Variants in SHANK2 observed in about 807,000 individuals in gnomAD.
The protein encoded by SHANK2 is SH3 and multiple ankyrin repeat domains 2.
SHANK2 carries 43 observed loss-of-function variants against 133.7 expected under a neutral mutation model. The ratio of observed to expected loss-of-function variants is 0.32; its 90% CI spans 0.25 to 0.41. The LOEUF (loss-of-function observed/expected upper bound fraction) is 0.41, where lower values mean the gene tolerates loss of function less well. SHANK2 is among the 10% of genes least tolerant of loss of function. SHANK2 has a pLI of 1.00. For synonymous variants in SHANK2, 1,017 were observed against 952.8 expected, an observed-to-expected ratio of 1.07 and a Z score of -1.24; for missense variants, 1,994 against 2,235.8, an observed-to-expected ratio of 0.89 and a Z score of 2.18.
At chr11:71,138,601 G>C (rs1353950958) in intron 3 of SHANK2, among the ~76,000 whole-genome samples, 1 of 151,964 alleles carries the variant, frequency 6.6e-6, no homozygotes, top group Non-Finnish European at 1.5e-5. Flanking sequence ...AGGATCACTT[G>C]AGCCCAGGAG....
chr11:71,088,957 C>T (rs2135087250), intron 8 of SHANK2, among the ~76,000 whole-genome samples: 1 of 150,830 alleles, frequency 6.6e-6, no homozygotes, highest in African/African-American at 2.4e-5. Context: ...GGTGACTGCA[C>T]CACCCCACCA....
chr11:70,899,841 G>A (rs994898280), intron 10 of SHANK2, among the ~76,000 whole-genome samples: 3 of 152,202 alleles, frequency 2.0e-5, no homozygotes, highest in South Asian at 2.1e-4. Flanking sequence ...TGATACTGGC[G>A]GACTGGCGGA....
At chr11:70,784,190 T>G (rs1211811766) in intron 14 of SHANK2, among the ~76,000 whole-genome samples, 1 of 151,652 alleles carries the variant, frequency 6.6e-6, no homozygotes, top group African/African-American at 2.4e-5. Context: ...CTTTTTTTTT[T>G]TTTTGAGACA....
At chr11:71,095,231 C>T (rs923271340) in intron 6 of SHANK2, among the ~76,000 whole-genome samples, 19 of 152,282 alleles carry the variant, frequency 1.2e-4, no homozygotes, top group Admixed American at 3.3e-4. Context: ...ATTAACGCGG[C>T]GCAGGATGAC....
At chr11:70,578,550 C>T (rs549934768) in intron 17 of SHANK2, among the ~76,000 whole-genome samples, 2 of 152,316 alleles carry the variant, frequency 1.3e-5, no homozygotes, top group South Asian at 2.1e-4. Context: ...TTGCACCATT[C>T]TGGTACTGAC....
At chr11:70,529,886 G>A (rs1259889733) in intron 17 of SHANK2, among the ~76,000 whole-genome samples, 1 of 152,174 alleles carries the variant, frequency 6.6e-6, no homozygotes, top group Admixed American at 6.5e-5. Context: ...CTTTATGGCT[G>A]AATAATATTC....
Position 70,767,378 on chromosome 11 carries a change from A to G in SHANK2, c.1777+31065T>C, listed in dbSNP as rs1039027387. On this transcript the variant is annotated intron_variant, in intron 14 of 25. Coordinates refer to ENST00000601538, the MANE Select transcript of SHANK2 (RefSeq NM_012309.5). Reference sequence around the variant, plus strand: ...ACACCCAAAAGAAAAAGAAGGAAAAACAGGTAAGCATATCCTTACATATGG... The same window carrying G: ...ACACCCAAAAGAAAAAGAAGGAAAAGCAGGTAAGCATATCCTTACATATGG... Among the ~76,000 whole-genome samples the G allele has an allele frequency of 3.9e-5, 6 of 152,198 alleles. No homozygotes were observed. In the East Asian group the frequency reaches 7.7e-4, roughly 20 times the overall value.
At chr11:70,775,651 A>AC (rs1555043772) in intron 14 of SHANK2, among the ~76,000 whole-genome samples, 1 of 152,062 alleles carries the variant, frequency 6.6e-6, no homozygotes, top group Non-Finnish European at 1.5e-5. Context: ...TCCTCCCTGG[A>AC]CCCGGTGCTC....
chr11:70,513,897 G>A (rs1486308237), intron 17 of SHANK2, among the ~76,000 whole-genome samples: 1 of 152,096 alleles, frequency 6.6e-6, no homozygotes, highest in African/African-American at 2.4e-5. Context: ...GTGAACGAGA[G>A]TCTCAGAAGG....
Position 70,926,186 on chromosome 11 carries a change from T to C in SHANK2, c.1108-29619A>G, listed in dbSNP as rs552001237. Among the ~76,000 whole-genome samples the C allele has an allele frequency of 2.1e-4, 32 of 152,258 alleles. No individual in the cohort carries two copies. In the South Asian group the frequency reaches 6.4e-3, roughly 31 times the overall value. On this transcript the variant is annotated intron_variant, in intron 10 of 25. Transcript: ENST00000601538. ...ACTTTGGGAGGCCAAGGCTGGCAGA[T>C]CCCTTGAGCTCAGGAGTTCGAGACC...
At chr11:70,614,141 C>T (rs1304105945) in intron 17 of SHANK2, among the ~76,000 whole-genome samples, 1 of 152,136 alleles carries the variant, frequency 6.6e-6, no homozygotes. Flanking sequence ...AGCCAGGCAG[C>T]GCAAGCCAGG....
chr11:70,596,950 C>T (rs570381330), intron 17 of SHANK2, among the ~76,000 whole-genome samples: 40 of 152,244 alleles, frequency 2.6e-4, no homozygotes, highest in African/African-American at 9.4e-4. Context: ...ATTTTGCAAG[C>T]GCAGACATCC....
rs1200205475 is a variant in SHANK2 at position 71,175,423 on chromosome 11, C to T, written c.-12-28085G>A. 6.6e-6 allele frequency among the ~76,000 whole-genome samples: 1 copy of T among 151,204 alleles called. No homozygotes were observed. Among genetic ancestry groups the T allele is most frequent in the Non-Finnish European group, 1.5e-5 (1 of 67,922 alleles). On this transcript the variant is annotated intron_variant, in intron 2 of 25. Coordinates refer to ENST00000601538, the MANE Select transcript of SHANK2 (RefSeq NM_012309.5). This position sits in a 1 kb window ranked among gnomAD's most constrained non-coding sequence, Gnocchi z 4.2. The stretch of plus-strand genomic sequence containing the variant: ...CAGGAAAGTGAGTCTGTAAAGAGAG[C>T]AGGAGGAAGGAAAGAAAAAGAGGGA...
chr11:71,067,603 A>G (rs961282520), intron 9 of SHANK2, among the ~76,000 whole-genome samples: 5 of 152,222 alleles, frequency 3.3e-5, no homozygotes, highest in Non-Finnish European at 7.3e-5. Context: ...AAACTGATAA[A>G]GCACATGTAA....
intron 3 of SHANK2, among the ~76,000 whole-genome samples, chr11:71,121,314 T>A (rs1177970684): frequency 6.6e-6 from 1 of 152,200 alleles, no homozygotes; most frequent in African/African-American, 2.4e-5. Flanking sequence ...TAAATAAATG[T>A]TGAAGTCCTA....
intron 17 of SHANK2, among the ~76,000 whole-genome samples, chr11:70,533,967 G>A (rs540659401): frequency 2.6e-5 from 4 of 152,296 alleles, no homozygotes; most frequent in South Asian, 4.1e-4. Flanking sequence ...GCCAAGTAGT[G>A]TTCCACTGCA....
At chr11:70,714,141 A>T (rs184313336) in intron 14 of SHANK2, among the ~76,000 whole-genome samples, 18 of 151,438 alleles carry the variant, frequency 1.2e-4, no homozygotes, top group African/African-American at 4.1e-4. Flanking sequence ...CCCAAACCAA[A>T]CCTCCCCAGA....
rs559985420 is a variant in SHANK2 at position 70,741,340 on chromosome 11, T to C, written c.1778-42577A>G. On this transcript the variant is annotated intron_variant, in intron 14 of 25. Coordinates refer to ENST00000601538, the MANE Select transcript of SHANK2 (RefSeq NM_012309.5). The stretch of plus-strand genomic sequence containing the variant: ...CCATGCATCCAACTACCCATCTATC[T>C]ATCCATCCATCCATCCATCCATCCA... Among the ~76,000 whole-genome samples, 97 of 149,054 alleles carry C rather than the reference T, an allele frequency of 6.5e-4. 1 individual carries two copies. In the East Asian group the frequency reaches 0.018, roughly 28 times the overall value.
At chr11:70,710,573 C>T (rs1361377071) in intron 14 of SHANK2, among the ~76,000 whole-genome samples, 6 of 152,318 alleles carry the variant, frequency 3.9e-5, no homozygotes, top group East Asian at 3.9e-4. Context: ...CAGGTGGGAC[C>T]GAACTAATCT....
Sources: allele counts gnomAD v4.1 joint callset (sites outside exome capture counted in the v4.1 genomes callset), GRCh38; gene constraint gnomAD v4.1.1; non-coding constraint Gnocchi (gnomAD v3.1); transcripts MANE v1.5; gene names NCBI Gene and HGNC (gene_info 2026-07-23, HGNC 2026-07-21).